The following SPAG17 variants were observed in gnomAD, a reference collection of about 807,000 sequenced individuals.
SPAG17 encodes the protein sperm associated antigen 17.
Under a neutral mutation model 273.6 loss-of-function variants are expected in SPAG17, and 169 were observed. That is an observed-to-expected ratio of 0.62 (90% CI 0.55 to 0.70). SPAG17 has a LOEUF of 0.70. Ranked by LOEUF, SPAG17 falls within the 30% of genes least tolerant of loss-of-function variation. The pLI is 0.00. For missense variants in SPAG17, 2,557 were observed against 2,627.8 expected (o/e 0.97, Z 0.59); for synonymous variants, 825 against 873.2 (o/e 0.94, Z 0.97).
At chr1:118,062,247 G>C (rs1029515287) in intron 18 of SPAG17, among the ~76,000 whole-genome samples, 42 of 150,026 alleles carry the variant, frequency 2.8e-4, no homozygotes, top group African/African-American at 9.7e-4. Context: ...GGCGCCTGTA[G>C]TCCCAGCTAC....
At chr1:118,066,227 G>C (rs1652952531) in intron 18 of SPAG17, among the ~76,000 whole-genome samples, 1 of 152,076 alleles carries the variant, frequency 6.6e-6, no homozygotes. Flanking sequence ...CATACTTAAT[G>C]AGAAGAGAGA....
At chr1:118,141,872 A>G (rs1345184778) in intron 3 of SPAG17, among the ~76,000 whole-genome samples, 1 of 152,222 alleles carries the variant, frequency 6.6e-6, no homozygotes, top group Non-Finnish European at 1.5e-5. Flanking sequence ...ACAAAGAAGA[A>G]TAATGTATAT....
In SPAG17 at chr1:118,028,276, G is replaced by A. The variant is rs758998723; in HGVS notation, c.3728C>T (p.Thr1243Ile). ...LLLTFIGQES[T>I]GQYVIDEEPT... ...ACCCTACCCCATATAGCACTTACCTGTAGATTCTTGTCCAATGAAAGTCAA... is the reference window on the plus strand; with the variant it reads ...ACCCTACCCCATATAGCACTTACCTATAGATTCTTGTCCAATGAAAGTCAA... Residue 1243 changes from threonine (T) to isoleucine (I), a missense_variant and splice_region_variant, in exon 26 of 49, where the codon ACA (threonine) becomes ATA (isoleucine). By Grantham distance (89) the Thr-to-Ile change is moderately conservative (BLOSUM62 -1). Coordinates refer to ENST00000336338, the MANE Select transcript of SPAG17 (RefSeq NM_206996.4). 2 of 1,613,144 alleles carry A rather than the reference G, an allele frequency of 1.2e-6. No individual in the cohort carries two copies. Among genetic ancestry groups the A allele is most frequent in the African/African-American group, 2.7e-5 (2 of 74,864 alleles).
At chr1:118,091,076 T>C (rs1655341322) in intron 10 of SPAG17, among the ~76,000 whole-genome samples, 2 of 152,042 alleles carry the variant, frequency 1.3e-5, no homozygotes, top group African/African-American at 4.8e-5. Context: ...ACATCAGTCA[T>C]GAGGAAAGGT....
chr1:118,008,008 C>T (rs750761721), intron 31 of SPAG17, 36 bp downstream of exon 31: 20 of 1,612,786 alleles, frequency 1.2e-5, no homozygotes, highest in Non-Finnish European at 1.6e-5. Flanking sequence ...AATAGACACT[C>T]ATCTTTGGCG....
At chr1:117,970,171 T>C (rs371455051) in intron 45 of SPAG17, 55 bp from the exon 46 acceptor site, 142 of 1,532,978 alleles carry the variant, frequency 9.3e-5, no homozygotes, top group Non-Finnish European at 1.2e-4. Flanking sequence ...CCATGAGCAA[T>C]GAATAAGCTG....
In SPAG17 at chr1:118,074,532, T is replaced by C. The variant is rs1653911248; in HGVS notation, c.2271+7A>G. The C allele has an allele frequency of 1.2e-6, 2 of 1,610,774 alleles. No individual in the cohort carries two copies. Among genetic ancestry groups the C allele is most frequent in the Non-Finnish European group, 1.7e-6 (2 of 1,177,338 alleles). On this transcript the variant is annotated splice_region_variant and intron_variant, in intron 16 of 48. Coordinates refer to ENST00000336338, the MANE Select transcript of SPAG17 (RefSeq NM_206996.4). Reference sequence around the variant, plus strand: ...TCATCTACATTTTCAGAAAAATAATTCCTTACCTTTTCATGAGAATCAGCC... The same window carrying C: ...TCATCTACATTTTCAGAAAAATAATCCCTTACCTTTTCATGAGAATCAGCC...
At chr1:118,115,742 T>G (rs1449480541) in intron 3 of SPAG17, among the ~76,000 whole-genome samples, 1 of 152,200 alleles carries the variant, frequency 6.6e-6, no homozygotes, top group Non-Finnish European at 1.5e-5. Context: ...AAAGATAGGC[T>G]GGGCTCCATT....
intron 15 of SPAG17, among the ~76,000 whole-genome samples, 180 bp from the exon 16 acceptor site, chr1:118,074,780 T>C (rs1264032113): frequency 6.6e-6 from 1 of 152,248 alleles, no homozygotes; most frequent in African/African-American, 2.4e-5. Flanking sequence ...AATCTGTGCC[T>C]ACCTAGAAAA....
At chr1:117,996,335 G>A (rs775972822) in intron 34 of SPAG17, 35 bp downstream of exon 34, 5 of 1,573,694 alleles carry the variant, frequency 3.2e-6, no homozygotes, top group South Asian at 1.2e-5. Context: ...TTGGCAAAGA[G>A]ACACCGTGCA....
At chr1:118,086,806 T>A (rs187850822) in intron 11 of SPAG17, 22 bp from the exon 12 acceptor site, 1 of 1,614,058 alleles carries the variant, frequency 6.2e-7, no homozygotes, top group East Asian at 2.2e-5. Flanking sequence ...GAAACAATAT[T>A]GATTTAAAGA....
rs963669570 is a variant in SPAG17, at chr1:117,953,768, T to C, written c.*282A>G. 4 of 609,394 alleles carry C rather than the reference T, an allele frequency of 6.6e-6. No homozygotes were observed. Among genetic ancestry groups the C allele is most frequent in the African/African-American group, 5.6e-5 (3 of 53,908 alleles). 37.7% of individuals were successfully genotyped at this position (609,394 alleles called of 1,614,324 possible). On this transcript the variant is annotated 3_prime_UTR_variant, in exon 49 of 49. Transcript: ENST00000336338. Reference sequence around the variant, plus strand: ...TCAGGTGTTCCTGGGACCTGCCCTATTCAGAGTGTCTAGATATCATCCCAC... The same window carrying C: ...TCAGGTGTTCCTGGGACCTGCCCTACTCAGAGTGTCTAGATATCATCCCAC...
chr1:118,064,468 C>T (rs1193283282), intron 18 of SPAG17, among the ~76,000 whole-genome samples: 2 of 151,102 alleles, frequency 1.3e-5, no homozygotes, highest in Non-Finnish European at 2.9e-5. Context: ...CCATCATTCT[C>T]AGCAAACTAT....
At chr1:117,979,875 G>A (rs1402207536) in intron 43 of SPAG17, among the ~76,000 whole-genome samples, 1 of 152,016 alleles carries the variant, frequency 6.6e-6, no homozygotes, top group Non-Finnish European at 1.5e-5. Flanking sequence ...TTTACAATGA[G>A]GCCTTCTAAT....
chr1:118,098,163 T>C (rs954368778), intron 6 of SPAG17, among the ~76,000 whole-genome samples: 2 of 152,232 alleles, frequency 1.3e-5, no homozygotes, highest in Middle Eastern at 3.2e-3. Flanking sequence ...CACTCTTAGA[T>C]GACAATCTAC....
intron 4 of SPAG17, 42 bp from the exon 5 acceptor site, chr1:118,101,968 G>GC: frequency 6.6e-7 from 1 of 1,508,246 alleles, no homozygotes; most frequent in Non-Finnish European, 9.1e-7. Context: ...CAAACAGTGA[G>GC]CAAGCAATGG....
rs1448318523 is a variant in SPAG17, at chr1:117,963,898, G to T, written c.6573C>A (p.Asp2191Glu). 1 of 1,613,958 alleles carries T rather than the reference G, an allele frequency of 6.2e-7. No homozygotes were observed. The highest frequency in any genetic ancestry group is 8.5e-7 in the Non-Finnish European group (1 of 1,179,906). Reference protein sequence around the residue: ...TSSNYDKRPKDFPQGKENPMV... With the variant: ...TSSNYDKRPKEFPQGKENPMV... ...TTGGATTTTCTTTTCCCTGGGGAAAGTCTTTTGGTCGTTTATCATAATTGC... is the reference window on the plus strand; with the variant it reads ...TTGGATTTTCTTTTCCCTGGGGAAATTCTTTTGGTCGTTTATCATAATTGC... Residue 2191 changes from aspartate (D) to glutamate (E), a missense_variant, in exon 48 of 49, where the codon GAC becomes GAA. Transcript: ENST00000336338.
At chr1:118,055,938 C>T in intron 18 of SPAG17, 24 bp from the exon 19 acceptor site, 1 of 1,573,150 alleles carries the variant, frequency 6.4e-7, no homozygotes, top group Non-Finnish European at 8.6e-7. Context: ...TAGCAGACGT[C>T]AATTGAGTTA....
chr1:118,116,173 C>A lies in SPAG17; in HGVS notation c.316-732G>T, dbSNP rs1297149939. ...TTCACACAACGCTCTAACATCTGGGCCCTTTTCCTTGGAGCCCTATAACCA... is the reference window on the plus strand; with the variant it reads ...TTCACACAACGCTCTAACATCTGGGACCTTTTCCTTGGAGCCCTATAACCA... On this transcript the variant is annotated intron_variant, in intron 3 of 48. Coordinates refer to ENST00000336338, the MANE Select transcript of SPAG17 (RefSeq NM_206996.4). Among the ~76,000 whole-genome samples the A allele has an allele frequency of 3.9e-5, 6 of 152,206 alleles. No individual in the cohort carries two copies. In the South Asian group the frequency reaches 1.2e-3, roughly 32 times the overall value.
Sources: gnomAD v4.1 joint callset for allele counts (sites outside exome capture counted in the v4.1 genomes callset) on GRCh38, gnomAD v4.1.1 for gene constraint, MANE v1.5 for transcripts, NCBI Gene and HGNC (gene_info 2026-07-23, HGNC 2026-07-21) for gene names.